The following XKR9 variants were observed in gnomAD, a reference collection of about 807,000 sequenced individuals.
The protein encoded by XKR9 is XK-related protein 9.
Under a neutral mutation model 32.0 loss-of-function variants are expected in XKR9, and 32 were observed. The observed-to-expected ratio is 1.00, with a 90% CI of 0.76 to 1.34. The LOEUF (loss-of-function observed/expected upper bound fraction) is 1.34, where lower values mean the gene tolerates loss of function less well. Ranked by LOEUF, XKR9 falls within the 40% of genes most tolerant of loss-of-function variation. The probability of loss-of-function intolerance (pLI) is 0.00; values close to 1 mark genes in which losing one functional copy is unlikely to be tolerated. For synonymous variants in XKR9, 168 were observed against 143.4 expected (o/e 1.17, Z -1.22); for missense variants, 546 against 429.7 (o/e 1.27, Z -2.39).
intron 4 of XKR9, among the ~76,000 whole-genome samples, chr8:70,721,502 T>C (rs1442996323): frequency 6.6e-6 from 1 of 152,228 alleles, no homozygotes; most frequent in Non-Finnish European, 1.5e-5. Flanking sequence ...GTATGTTGTG[T>C]CTTTGCTCTC....
At chr8:70,874,103 T>C in the XKR9 span, among the ~76,000 whole-genome samples, 3 of 152,226 alleles carry the variant, frequency 2.0e-5, 1 homozygote, top group Non-Finnish European at 2.9e-5. Flanking sequence ...TTTTAAGACA[T>C]AATGCTATTG....
chr8:70,790,368 T>G (rs1418214738), exon 4 of XKR9: 2 of 152,128 alleles, frequency 1.3e-5, no homozygotes, highest in African/African-American at 4.8e-5. Context: ...TTCTTTTTCA[T>G]ATTTTTAATT....
the XKR9 span, among the ~76,000 whole-genome samples, chr8:71,023,308 G>A: frequency 1.3e-5 from 2 of 152,160 alleles, no homozygotes; most frequent in Admixed American, 1.3e-4. Context: ...GCTGGGTAGA[G>A]CGCTTCAGCT....
At chr8:70,902,265 T>C in the XKR9 span, among the ~76,000 whole-genome samples, 1 of 152,250 alleles carries the variant, frequency 6.6e-6, no homozygotes, top group Non-Finnish European at 1.5e-5. Context: ...TTTCACAAGA[T>C]TGATTCTTCC....
At chr8:70,845,674 G>A in the XKR9 span, among the ~76,000 whole-genome samples, 2 of 152,036 alleles carry the variant, frequency 1.3e-5, no homozygotes, top group Non-Finnish European at 2.9e-5. Flanking sequence ...TTCAACAATA[G>A]ACTAGAGCAA....
intron 2 of XKR9, among the ~76,000 whole-genome samples, chr8:70,756,149 G>C (rs778865996): frequency 1.3e-5 from 2 of 152,048 alleles, no homozygotes; most frequent in Non-Finnish European, 2.9e-5. Context: ...GACTAGTCTT[G>C]GCACCCTTAT....
At chr8:71,050,236 G>T in the XKR9 span, among the ~76,000 whole-genome samples, 5,732 of 122,828 alleles carry the variant, frequency 0.047, 153 homozygotes, top group African/African-American at 0.095. Flanking sequence ...GCCTGGCAGA[G>T]ATATATATAT....
the XKR9 span, among the ~76,000 whole-genome samples, chr8:71,032,597 A>G: frequency 6.6e-6 from 1 of 152,148 alleles, no homozygotes; most frequent in Non-Finnish European, 1.5e-5. Flanking sequence ...TAAAAATACA[A>G]TTACCCAGGC....
chr8:71,035,007 C>A, the XKR9 span, among the ~76,000 whole-genome samples: 1 of 152,178 alleles, frequency 6.6e-6, no homozygotes, highest in Non-Finnish European at 1.5e-5. Flanking sequence ...ATATTTTAAA[C>A]AATTCCTTAT....
chr8:70,867,006 G>C, the XKR9 span, among the ~76,000 whole-genome samples: 3 of 152,116 alleles, frequency 2.0e-5, no homozygotes, highest in African/African-American at 7.2e-5. Context: ...TTGATCCCGA[G>C]TGTATCAGTT....
intron 3 of XKR9, chr8:70,789,946 A>G (rs1354901879): frequency 6.6e-6 from 1 of 151,772 alleles, no homozygotes; most frequent in Non-Finnish European, 1.5e-5. Flanking sequence ...CACCACCCCA[A>G]TTTTTGACTA....
chr8:70,786,563 T>G (rs1454160659), intron 2 of XKR9, among the ~76,000 whole-genome samples: 1 of 152,136 alleles, frequency 6.6e-6, no homozygotes, highest in Non-Finnish European at 1.5e-5. Context: ...TTTGACAAAG[T>G]CTGTTTTATT....
At chr8:70,892,033 T>C in the XKR9 span, among the ~76,000 whole-genome samples, 1 of 152,080 alleles carries the variant, frequency 6.6e-6, no homozygotes, top group Non-Finnish European at 1.5e-5. Context: ...CTTTTCACAA[T>C]TTTCCACTTA....
the XKR9 span, among the ~76,000 whole-genome samples, chr8:70,860,045 C>T: frequency 6.6e-6 from 1 of 152,076 alleles, no homozygotes; most frequent in South Asian, 2.1e-4. Context: ...ACCCTAAGTA[C>T]CCTGACTTGA....
chr8:70,776,591 C>G (rs1192715168), intron 2 of XKR9, among the ~76,000 whole-genome samples: 2 of 151,978 alleles, frequency 1.3e-5, no homozygotes, highest in African/African-American at 4.8e-5. Flanking sequence ...CCTCTGAGCT[C>G]CTGCAACTCC....
At chr8:71,050,682 C>T in the XKR9 span, among the ~76,000 whole-genome samples, 2 of 152,010 alleles carry the variant, frequency 1.3e-5, no homozygotes, top group Admixed American at 1.3e-4. Context: ...TTTTGAGAGG[C>T]TGGGAAAAGA....
At chr8:71,042,281 G>T in the XKR9 span, among the ~76,000 whole-genome samples, 1 of 152,212 alleles carries the variant, frequency 6.6e-6, no homozygotes, top group Admixed American at 6.5e-5. Context: ...TCTGCCTTGG[G>T]TTCAGGATAA....
At chr8:70,744,548 C>A (rs963579737) in intron 2 of XKR9, among the ~76,000 whole-genome samples, 1 of 152,150 alleles carries the variant, frequency 6.6e-6, no homozygotes, top group Non-Finnish European at 1.5e-5. Flanking sequence ...TTTTGTGAAA[C>A]CATGCTATCT....
the XKR9 span, among the ~76,000 whole-genome samples, chr8:70,810,805 C>G: frequency 1.3e-5 from 2 of 152,114 alleles, no homozygotes; most frequent in Non-Finnish European, 2.9e-5. Flanking sequence ...CCTTAGAGAC[C>G]TACAAAGAGA....
Sources: allele counts gnomAD v4.1 joint callset (sites outside exome capture counted in the v4.1 genomes callset), GRCh38; gene constraint gnomAD v4.1.1; transcripts MANE v1.5; gene names NCBI Gene and HGNC (gene_info 2026-07-23, HGNC 2026-07-21).